The following HEMGN variants were observed in gnomAD, a reference collection of about 807,000 sequenced individuals.
The protein encoded by HEMGN is hemogen.
Under a neutral mutation model 45.7 loss-of-function variants are expected in HEMGN, and 32 were observed. That is an observed-to-expected ratio of 0.70 (90% CI 0.53 to 0.94). The LOEUF (loss-of-function observed/expected upper bound fraction) is 0.94, where lower values mean the gene tolerates loss of function less well. Ranked by LOEUF, HEMGN falls within the 40% of genes least tolerant of loss-of-function variation. The pLI, the probability that HEMGN is intolerant of heterozygous loss-of-function variation, is 0.00. For missense variants in HEMGN, 530 were observed against 564.2 expected, an observed-to-expected ratio of 0.94 and a Z score of 0.61; for synonymous variants, 183 against 178.6, an observed-to-expected ratio of 1.02 and a Z score of -0.20.
At chr9:97,928,585 G>C (rs1278533381) in intron 3 of HEMGN, among the ~76,000 whole-genome samples, 1 of 152,134 alleles carries the variant, frequency 6.6e-6, no homozygotes, top group Non-Finnish European at 1.5e-5. Flanking sequence ...CTTATATTTA[G>C]AATGGGAGTA....
Position 97,927,180 on chromosome 9 carries a change from C to T in HEMGN, c.*204G>A, listed in dbSNP as rs1023942902. The stretch of plus-strand genomic sequence containing the variant: ...ACCTATACATACATACACACACACA[C>T]ACACACACACACACACACATTCTAG... On this transcript the variant is annotated 3_prime_UTR_variant, in exon 4 of 4. Transcript: ENST00000616898. 3 of 407,268 alleles carry T rather than the reference C, an allele frequency of 7.4e-6. No homozygotes were observed. The highest frequency in any genetic ancestry group is 8.9e-6 in the Non-Finnish European group (2 of 225,774). 25.2% of individuals were successfully genotyped at this position (407,268 alleles called of 1,614,324 possible).
At chr9:97,940,670 A>G (rs1187750064), upstream of HEMGN, among the ~76,000 whole-genome samples, 1 of 152,214 alleles carries the variant, frequency 6.6e-6, no homozygotes, top group African/African-American at 2.4e-5. Flanking sequence ...TAAAGTCCAC[A>G]TATTTTTTGA....
upstream of HEMGN, among the ~76,000 whole-genome samples, chr9:97,942,274 CTTTTTTTTT>C (rs56055830): frequency 4.7e-5 from 6 of 128,184 alleles, 1 homozygote; most frequent in South Asian, 7.4e-4. Context: ...CTAATTCCTT[CTTTTTTTTT>C]TTTTTTTTTT....
intron 2 of HEMGN, among the ~76,000 whole-genome samples, chr9:97,933,709 G>T (rs1827000174): frequency 6.6e-6 from 1 of 152,262 alleles, no homozygotes; most frequent in Non-Finnish European, 1.5e-5. Context: ...AGTCATTCTG[G>T]CTTTAACAGC....
At chr9:97,933,267 CAT>C (rs1347464264) in intron 2 of HEMGN, among the ~76,000 whole-genome samples, 2 of 152,134 alleles carry the variant, frequency 1.3e-5, no homozygotes, top group Non-Finnish European at 2.9e-5. Flanking sequence ...AATTAGGACT[CAT>C]ATGAATACAG....
upstream of HEMGN, among the ~76,000 whole-genome samples, chr9:97,940,104 C>T (rs78724248): frequency 6.0e-3 from 921 of 152,286 alleles, 11 homozygotes; most frequent in African/African-American, 0.021. Flanking sequence ...CCCTCTGGGA[C>T]ACCTTCAGTG....
chr9:97,938,290 T>G, upstream of HEMGN: 1 of 622,984 alleles, frequency 1.6e-6, no homozygotes, highest in Non-Finnish European at 2.9e-6. Context: ...TTTATCTGGT[T>G]GGACCACAAC....
intron 1 of HEMGN, among the ~76,000 whole-genome samples, chr9:97,944,508 T>C (rs183174456): frequency 2.1e-4 from 32 of 152,298 alleles, no homozygotes; most frequent in Middle Eastern, 3.4e-3. Context: ...ATTGGAAGCA[T>C]TGGAAAAGCT....
chr9:97,936,083 A>C (rs1347347484), intron 2 of HEMGN, 88 bp downstream of exon 2: 2 of 867,826 alleles, frequency 2.3e-6, no homozygotes, highest in East Asian at 4.9e-5. Flanking sequence ...GAAAGATAAA[A>C]TACAGTGTGT....
intron 2 of HEMGN, among the ~76,000 whole-genome samples, chr9:97,935,929 TAA>T (rs1290175679): frequency 6.6e-6 from 1 of 152,184 alleles, no homozygotes; most frequent in African/African-American, 2.4e-5. Context: ...GTGCTTTAAT[TAA>T]AAGAGACCAG....
At chr9:97,938,334 A>G, upstream of HEMGN, 1 of 565,052 alleles carries the variant, frequency 1.8e-6, no homozygotes, top group South Asian at 2.2e-5. Context: ...ATCACACTGC[A>G]CAGGTGTGAG....
upstream of HEMGN, among the ~76,000 whole-genome samples, chr9:97,941,602 G>C (rs1451634938): frequency 6.6e-6 from 1 of 152,218 alleles, no homozygotes; most frequent in East Asian, 1.9e-4. Flanking sequence ...AATATGGGGT[G>C]AGACATAAAG....
chr9:97,929,705 A>T (rs1445249572), intron 3 of HEMGN, among the ~76,000 whole-genome samples: 1 of 152,210 alleles, frequency 6.6e-6, no homozygotes, highest in Non-Finnish European at 1.5e-5. Context: ...TCATTCATCA[A>T]GCTTTCTTGT....
Position 97,931,165 on chromosome 9 carries a change from T to G in HEMGN, c.230A>C (p.Lys77Thr). The change falls in exon 3 of 4, where the codon AAG (lysine) becomes ACG (threonine). Residue 77 changes from lysine to threonine, a missense_variant. Lys to Thr is a moderately conservative substitution (Grantham distance 78). Coordinates refer to ENST00000616898, the MANE Select transcript of HEMGN (RefSeq NM_197978.3). Reference protein sequence around the residue: ...RTGKGNRRGRKRQQNTELKVE... With the variant: ...RTGKGNRRGRTRQQNTELKVE... The stretch of plus-strand genomic sequence containing the variant: ...CTTCAATTCTGTGTTTTGTTGTCTC[T>G]TTCTGCCTCTTCGATTTCCTTTTCC... The G allele has an allele frequency of 6.2e-7, 1 of 1,612,398 alleles. No individual in the cohort carries two copies. Among genetic ancestry groups the G allele is most frequent in the Non-Finnish European group, 8.5e-7 (1 of 1,179,696 alleles).
At position 97,934,552 on chromosome 9, in the gene HEMGN, A is replaced by G; in HGVS notation, c.173+1619T>C. Among the ~76,000 whole-genome samples the G allele has an allele frequency of 1.3e-5, 2 of 151,844 alleles. 1 individual carries two copies. Among genetic ancestry groups the G allele is most frequent in the East Asian group, 3.9e-4 (2 of 5,162 alleles). ...TGGGAAGCCAAGTAATGATTGGAAG[A>G]TTGCTTAGTGGTATGGAATTTGGGA... On this transcript the variant is annotated intron_variant, in intron 2 of 3. Coordinates refer to ENST00000616898, the MANE Select transcript of HEMGN (RefSeq NM_197978.3).
Position 97,927,326 on chromosome 9 carries a change from A to G in HEMGN, c.*58T>C, listed in dbSNP as rs930611248. The G allele has an allele frequency of 7.9e-6, 7 of 891,632 alleles. No homozygotes were observed. The highest frequency in any genetic ancestry group is 7.0e-5 in the South Asian group (4 of 57,158). 55.2% of individuals were successfully genotyped at this position (891,632 alleles called of 1,614,324 possible). A position where few individuals can be genotyped will look rare whatever the true frequency, so the allele number is the denominator to read the frequency against. ...AGTTTTACAATATTTTGAGAAAATC[A>G]CGCATAAACTATTAAGCTGTATGTT... On this transcript the variant is annotated 3_prime_UTR_variant, in exon 4 of 4. Transcript: ENST00000616898.
chr9:97,936,225 A>C lies in HEMGN; in HGVS notation c.119T>G (p.Leu40Arg). 6.2e-7 allele frequency: 1 copy of C among 1,613,074 alleles called. No individual in the cohort carries two copies. The highest frequency in any genetic ancestry group is 8.5e-7 in the Non-Finnish European group (1 of 1,179,518). The change falls in exon 2 of 4, where the codon CTT becomes CGT. Residue 40 changes from leucine (L) to arginine (R), a missense_variant. Transcript: ENST00000616898. Reference sequence around the variant, plus strand: ...ATGCACTTCAGCTTTTCTTTTTCTAAGTAGTTCTCTGTTTCTCAAACTCCA... The same window carrying C: ...ATGCACTTCAGCTTTTCTTTTTCTACGTAGTTCTCTGTTTCTCAAACTCCA... ...GTWSLRNREL[L>R]RKRKAEVHEK...
upstream of HEMGN, among the ~76,000 whole-genome samples, chr9:97,942,415 C>G (rs1827166847): frequency 6.6e-6 from 1 of 151,966 alleles, no homozygotes; most frequent in South Asian, 2.1e-4. Context: ...TCCCAAGTAG[C>G]TGGGACTACA....
rs10984421 is a variant in HEMGN, at chr9:97,932,727, C to T, written c.174-1506G>A. Among the ~76,000 whole-genome samples the T allele has an allele frequency of 2.3e-3, 338 of 149,974 alleles. 5 individuals are homozygous for T. The East Asian group carries it at 0.051, about 23-fold the overall frequency. ...GCTGAGGCAAGAGAATCGCTTGAAC[C>T]CAGGAGATGGAGGTTGCAGTGAGCT... On this transcript the variant is annotated intron_variant, in intron 2 of 3. Transcript: ENST00000616898.
Sources: gnomAD v4.1 joint callset for allele counts (sites outside exome capture counted in the v4.1 genomes callset) on GRCh38, gnomAD v4.1.1 for gene constraint, MANE v1.5 for transcripts, NCBI Gene and HGNC (gene_info 2026-07-23, HGNC 2026-07-21) for gene names.